The following KCNQ1 variants were observed in gnomAD, a reference collection of about 807,000 sequenced individuals.
KCNQ1 encodes the protein potassium voltage-gated channel subfamily Q member 1.
In KCNQ1, 49 loss-of-function variants were observed where a neutral mutation model predicts 72.4. That is an observed-to-expected ratio of 0.68 (90% CI 0.54 to 0.86). The LOEUF (loss-of-function observed/expected upper bound fraction) is 0.86. Ranked by LOEUF, KCNQ1 falls within the 40% of genes least tolerant of loss-of-function variation. KCNQ1 has a pLI of 0.00. For missense variants in KCNQ1, 790 were observed against 945.1 expected (o/e 0.84, Z 2.15); for synonymous variants, 450 against 412.6 (o/e 1.09, Z -1.10).
At chr11:2,500,421 TTGG>T (rs1846990846) in intron 1 of KCNQ1, among the ~76,000 whole-genome samples, 1 of 152,184 alleles carries the variant, frequency 6.6e-6, no homozygotes, top group African/African-American at 2.4e-5. Context: ...TTTTACACTG[TTGG>T]TGGGAGTGTA....
At chr11:2,726,452 C>T (rs1845765795) in intron 11 of KCNQ1, among the ~76,000 whole-genome samples, 1 of 152,040 alleles carries the variant, frequency 6.6e-6, no homozygotes. Flanking sequence ...ATGGATGCTG[C>T]CCTGTCAGAG....
Position 2,694,757 on chromosome 11 carries a change from A to G in KCNQ1, c.1514+32676A>G, listed in dbSNP as rs138463957. The G allele has an allele frequency of 7.7e-4, 306 of 398,556 alleles. 3 individuals carry two copies. The East Asian group carries it at 0.011, about 14-fold the overall frequency. The allele number at this position is 398,556 out of a possible 1,614,324, so 24.7% of individuals were successfully genotyped here. On this transcript the variant is annotated intron_variant, in intron 11 of 15. Transcript: ENST00000155840. Reference sequence around the variant, plus strand: ...CAAATAAGTAGATGTCTAAGGAACTAGAAAAGCGTAGCCTGTGCTTTGCAG... The same window carrying G: ...CAAATAAGTAGATGTCTAAGGAACTGGAAAAGCGTAGCCTGTGCTTTGCAG...
At position 2,678,390 on chromosome 11, in the gene KCNQ1, T is replaced by C. The variant is rs1850329607; in HGVS notation, c.1514+16309T>C. 3 of 398,524 alleles carry C rather than the reference T, an allele frequency of 7.5e-6. No individual in the cohort carries two copies. The highest frequency in any genetic ancestry group is 1.3e-5 in the Non-Finnish European group (3 of 226,068). The allele number at this position is 398,524 out of a possible 1,614,324, so 24.7% of individuals were successfully genotyped here. ...TAATTAAATCCAATTTGGTTTCCCA[T>C]ATATTTGTCCAGTTGTCCAACACTA... On this transcript the variant is annotated intron_variant, in intron 11 of 15. Coordinates refer to ENST00000155840, the MANE Select transcript of KCNQ1 (RefSeq NM_000218.3). This position sits in a 1 kb window ranked among gnomAD's most constrained non-coding sequence, Gnocchi z 4.9.
Position 2,663,930 on chromosome 11 carries a change from G to C in KCNQ1, c.1514+1849G>C. On this transcript the variant is annotated intron_variant, in intron 11 of 15. Coordinates refer to ENST00000155840, the MANE Select transcript of KCNQ1 (RefSeq NM_000218.3). The surrounding 1 kb of genome is among the most constrained non-coding windows in gnomAD (Gnocchi z 5.2). ...CATCTAGGACACTGGGCTGTTTCTT[G>C]TTCCACTCCAGGATGACAGGGCCTG... The C allele has an allele frequency of 2.5e-6, 1 of 398,714 alleles. No homozygotes were observed. Among genetic ancestry groups the C allele is most frequent in the Non-Finnish European group, 4.4e-6 (1 of 226,116 alleles). 24.7% of individuals were successfully genotyped at this position (398,714 alleles called of 1,614,324 possible).
Position 2,767,430 on chromosome 11 carries a change from C to A in KCNQ1, c.1515-1414C>A, listed in dbSNP as rs1181573203. On this transcript the variant is annotated intron_variant, in intron 11 of 15. Coordinates refer to ENST00000155840, the MANE Select transcript of KCNQ1 (RefSeq NM_000218.3). The surrounding 1 kb of genome is among the most constrained non-coding windows in gnomAD (Gnocchi z 4.6). Reference sequence around the variant, plus strand: ...CAAGTAATAGGAAAACAGACTCCATCTCTTAATGGAAGGAGCTGCAAGTAT... The same window carrying A: ...CAAGTAATAGGAAAACAGACTCCATATCTTAATGGAAGGAGCTGCAAGTAT... Among the ~76,000 whole-genome samples the A allele has an allele frequency of 6.6e-6, 1 of 152,180 alleles. No homozygotes were observed. Among genetic ancestry groups the A allele is most frequent in the East Asian group, 1.9e-4 (1 of 5,194 alleles).
intron 15 of KCNQ1, among the ~76,000 whole-genome samples, chr11:2,831,993 G>T (rs972459004): frequency 6.6e-6 from 1 of 152,102 alleles, no homozygotes; most frequent in Admixed American, 6.5e-5. Flanking sequence ...TCTGCTCCAG[G>T]GGGGTGGCCT....
At chr11:2,635,389 T>A (rs1849446940) in intron 10 of KCNQ1, 1 of 152,230 alleles carries the variant, frequency 6.6e-6, no homozygotes, top group Non-Finnish European at 1.5e-5. Flanking sequence ...CAGTTTCAGC[T>A]TTCTACATAT....
Position 2,659,506 on chromosome 11 carries a change from G to A in KCNQ1, c.1394-2455G>A, listed in dbSNP as rs762855171. The A allele has an allele frequency of 2.5e-6, 1 of 398,542 alleles. No homozygotes were observed. Among genetic ancestry groups the A allele is most frequent in the Non-Finnish European group, 4.4e-6 (1 of 226,022 alleles). The allele number at this position is 398,542 out of a possible 1,614,324, so 24.7% of individuals were successfully genotyped here. On this transcript the variant is annotated intron_variant, in intron 10 of 15. Transcript: ENST00000155840. The surrounding 1 kb of genome is among the most constrained non-coding windows in gnomAD (Gnocchi z 4.3). ...ATACATTTTGTTTATGCATTCACCT[G>A]TTGAAGGACATCTTCATTGTTTCCA...
In KCNQ1 at chr11:2,682,240, C is replaced by G. The variant is rs1223640332; in HGVS notation, c.1514+20159C>G. The G allele has an allele frequency of 5.0e-6, 2 of 398,474 alleles. No individual in the cohort carries two copies. The highest frequency in any genetic ancestry group is 2.1e-5 in the African/African-American group (1 of 48,612). The allele number at this position is 398,474 out of a possible 1,614,324, so 24.7% of individuals were successfully genotyped here. ...CCTGTGGTTCTTAGCTGAAATGTCC[C>G]TTCCTCAGAGGAGCCAATTTCTAAA... is the stretch of plus-strand genomic sequence containing the variant. On this transcript the variant is annotated intron_variant, in intron 11 of 15. Transcript: ENST00000155840. The surrounding 1 kb of genome is among the most constrained non-coding windows in gnomAD (Gnocchi z 5.8).
rs1190759337 is a variant in KCNQ1 at position 2,670,677 on chromosome 11, A to G, written c.1514+8596A>G. 1 of 398,582 alleles carries G rather than the reference A, an allele frequency of 2.5e-6. No homozygotes were observed. Among genetic ancestry groups the G allele is most frequent in the African/African-American group, 2.1e-5 (1 of 48,622 alleles). The allele number at this position is 398,582 out of a possible 1,614,324, so 24.7% of individuals were successfully genotyped here. ...CTGAAGATTGGTAGGAAGGCAGTGT[A>G]GCAGTAACAAGACAAAGGGATTCTG... is the stretch of plus-strand genomic sequence containing the variant. On this transcript the variant is annotated intron_variant, in intron 11 of 15. Coordinates refer to ENST00000155840, the MANE Select transcript of KCNQ1 (RefSeq NM_000218.3). This position sits in a 1 kb window ranked among gnomAD's most constrained non-coding sequence, Gnocchi z 4.9.
chr11:2,710,362 A>G lies in KCNQ1; in HGVS notation c.1514+48281A>G, dbSNP rs1045564059. Among the ~76,000 whole-genome samples the G allele has an allele frequency of 6.6e-6, 1 of 152,148 alleles. No homozygotes were observed. The highest frequency in any genetic ancestry group is 2.4e-5 in the African/African-American group (1 of 41,424). ...TTTAGTAGAGTTCTTTATAGTCTAG[A>G]TATAAGTTTTTTATATTCTAGATTC... is the stretch of plus-strand genomic sequence containing the variant. On this transcript the variant is annotated intron_variant, in intron 11 of 15. Transcript: ENST00000155840. The surrounding 1 kb of genome is among the most constrained non-coding windows in gnomAD (Gnocchi z 4.1).
Position 2,676,742 on chromosome 11 carries a change from G to A in KCNQ1, c.1514+14661G>A, listed in dbSNP as rs991705647. ...TCATATGCATAGTGGCTTTGGGTAC[G>A]ATGGTCTGCTGTATGAAGCAACCCT... On this transcript the variant is annotated intron_variant, in intron 11 of 15. Coordinates refer to ENST00000155840, the MANE Select transcript of KCNQ1 (RefSeq NM_000218.3). This position sits in a 1 kb window ranked among gnomAD's most constrained non-coding sequence, Gnocchi z 4.2. 8 of 398,518 alleles carry A rather than the reference G, an allele frequency of 2.0e-5. No individual in the cohort carries two copies. The highest frequency in any genetic ancestry group is 6.2e-4 in the Middle Eastern group (1 of 1,610). The allele number at this position is 398,518 out of a possible 1,614,324, so 24.7% of individuals were successfully genotyped here.
rs542324638 is a variant in KCNQ1 at position 2,762,376 on chromosome 11, T to A, written c.1515-6468T>A. Among the ~76,000 whole-genome samples, 1 of 152,190 alleles carries A rather than the reference T, an allele frequency of 6.6e-6. No individual in the cohort carries two copies. Among genetic ancestry groups the A allele is most frequent in the Non-Finnish European group, 1.5e-5 (1 of 68,036 alleles). ...GCCTGTGACTCTCCCTGGGTTAACT[T>A]TGTGACCGGTGTGTGGTAAGGATCA... On this transcript the variant is annotated intron_variant, in intron 11 of 15. Coordinates refer to ENST00000155840, the MANE Select transcript of KCNQ1 (RefSeq NM_000218.3). This position sits in a 1 kb window ranked among gnomAD's most constrained non-coding sequence, Gnocchi z 4.3.
chr11:2,638,503 C>T (rs1205941919), intron 10 of KCNQ1: 2 of 152,114 alleles, frequency 1.3e-5, no homozygotes, highest in African/African-American at 4.8e-5. Flanking sequence ...AATATTGGCC[C>T]CCACTCTCTT....
At position 2,669,347 on chromosome 11, in the gene KCNQ1, T is replaced by G. The variant is rs548116506; in HGVS notation, c.1514+7266T>G. 5.5e-5 allele frequency: 22 copies of G among 398,640 alleles called. No individual in the cohort carries two copies. Among genetic ancestry groups the G allele is most frequent in the African/African-American group, 4.1e-4 (20 of 48,758 alleles). The allele number at this position is 398,640 out of a possible 1,614,324, so 24.7% of individuals were successfully genotyped here. ...TCCTCTAGGCGCAGCAGCCTCTAGA[T>G]GGGCATGGGAGAATGGGTATCCTTA... On this transcript the variant is annotated intron_variant, in intron 11 of 15. Coordinates refer to ENST00000155840, the MANE Select transcript of KCNQ1 (RefSeq NM_000218.3). This position sits in a 1 kb window ranked among gnomAD's most constrained non-coding sequence, Gnocchi z 5.6.
At position 2,507,686 on chromosome 11, in the gene KCNQ1, G is replaced by T. The variant is rs770000363; in HGVS notation, c.387-20242G>T. Among the ~76,000 whole-genome samples, 24 of 152,154 alleles carry T rather than the reference G, an allele frequency of 1.6e-4. No individual in the cohort carries two copies. Among genetic ancestry groups the T allele is most frequent in the Non-Finnish European group, 3.1e-4 (21 of 68,036 alleles). On this transcript the variant is annotated intron_variant, in intron 1 of 15. Transcript: ENST00000155840. The surrounding 1 kb of genome is among the most constrained non-coding windows in gnomAD (Gnocchi z 5.4). The stretch of plus-strand genomic sequence containing the variant: ...GTAAGACCTGCAGGTGGGAGCTCTG[G>T]GGAGAGAGTGCGGGCTGGGCTCACA...
At chr11:2,532,414 C>A (rs917060371) in intron 2 of KCNQ1, among the ~76,000 whole-genome samples, 1 of 152,244 alleles carries the variant, frequency 6.6e-6, no homozygotes, top group Non-Finnish European at 1.5e-5. Context: ...CACTTCCCAG[C>A]AGTCTCTCGA....
chr11:2,755,562 G>A (rs1220757388), intron 11 of KCNQ1, among the ~76,000 whole-genome samples: 1 of 152,190 alleles, frequency 6.6e-6, no homozygotes, highest in Admixed American at 6.5e-5. Flanking sequence ...CCTGGCCAGG[G>A]CCTTCACTTT....
chr11:2,683,029 G>C lies in KCNQ1; in HGVS notation c.1514+20948G>C, dbSNP rs1850424520. ...GCCTTAGTTCTGCCTCCTGAGAGAGGTGACCTTCTCCCACTTCTTACAGGC... is the reference window on the plus strand; with the variant it reads ...GCCTTAGTTCTGCCTCCTGAGAGAGCTGACCTTCTCCCACTTCTTACAGGC... On this transcript the variant is annotated intron_variant, in intron 11 of 15. Coordinates refer to ENST00000155840, the MANE Select transcript of KCNQ1 (RefSeq NM_000218.3). This position sits in a 1 kb window ranked among gnomAD's most constrained non-coding sequence, Gnocchi z 4.7. The C allele has an allele frequency of 7.5e-6, 3 of 398,562 alleles. No individual in the cohort carries two copies. Among genetic ancestry groups the C allele is most frequent in the African/African-American group, 4.1e-5 (2 of 48,624 alleles). The allele number at this position is 398,562 out of a possible 1,614,324, so 24.7% of individuals were successfully genotyped here.
Sources: allele counts gnomAD v4.1 joint callset (sites outside exome capture counted in the v4.1 genomes callset), GRCh38; gene constraint gnomAD v4.1.1; non-coding constraint Gnocchi (gnomAD v3.1); transcripts MANE v1.5; gene names NCBI Gene and HGNC (gene_info 2026-07-23, HGNC 2026-07-21).